TMTC3: variants seen among roughly 807,000 people sequenced by gnomAD.
TMTC3 encodes transmembrane O-mannosyltransferase targeting cadherins 3, also known as protein O-mannosyl-transferase TMTC3.
In TMTC3, 52 loss-of-function variants were observed where a neutral mutation model predicts 92.2. That is an observed-to-expected ratio of 0.56 (90% CI 0.45 to 0.71). TMTC3 has a LOEUF of 0.71. Ranked by LOEUF, TMTC3 falls within the 30% of genes least tolerant of loss-of-function variation. The pLI, the probability that TMTC3 is intolerant of heterozygous loss-of-function variation, is 0.00. For synonymous variants in TMTC3, 339 were observed against 363.3 expected, an observed-to-expected ratio of 0.93 and a Z score of 0.76; for missense variants, 896 against 1,057.1, an observed-to-expected ratio of 0.85 and a Z score of 2.11.
At chr12:88,147,194 A>G (rs1206038767) in intron 1 of TMTC3, among the ~76,000 whole-genome samples, 4 of 152,038 alleles carry the variant, frequency 2.6e-5, no homozygotes, top group Non-Finnish European at 4.4e-5. Flanking sequence ...TAAAAATTAG[A>G]TACATAAGTT....
chr12:88,183,439 CA>C (rs778768814), intron 10 of TMTC3, among the ~76,000 whole-genome samples: 6 of 152,288 alleles, frequency 3.9e-5, no homozygotes, highest in South Asian at 4.1e-4. Flanking sequence ...CTACCTAAGA[CA>C]GGGTCCCATA....
At chr12:88,165,840 A>G (rs1389064889) in intron 6 of TMTC3, among the ~76,000 whole-genome samples, 1 of 152,116 alleles carries the variant, frequency 6.6e-6, no homozygotes, top group Non-Finnish European at 1.5e-5. Flanking sequence ...TTCTCTCTCC[A>G]TGACAGAAGA....
rs555307694 is a variant in TMTC3, at chr12:88,198,202, A to G, written c.*2553A>G. The G allele has an allele frequency of 3.7e-6, 1 of 271,888 alleles. No homozygotes were observed. The highest frequency in any genetic ancestry group is 5.5e-5 in the Admixed American group (1 of 18,332). 16.8% of individuals were successfully genotyped at this position (271,888 alleles called of 1,614,324 possible). On this transcript the variant is annotated 3_prime_UTR_variant, in exon 14 of 14. Coordinates refer to ENST00000266712, the MANE Select transcript of TMTC3 (RefSeq NM_181783.4). ...CTGTTCAGGTGAGAAAACATAATGGATTTTTTTTTTTTTCCTCTGGAGCTG... is the reference window on the plus strand; with the variant it reads ...CTGTTCAGGTGAGAAAACATAATGGGTTTTTTTTTTTTTCCTCTGGAGCTG...
chr12:88,157,773 C>T (rs1257441898), intron 4 of TMTC3, among the ~76,000 whole-genome samples: 1 of 152,114 alleles, frequency 6.6e-6, no homozygotes, highest in Non-Finnish European at 1.5e-5. Context: ...ACCAGGTGTA[C>T]TTGTTTTGGA....
chr12:88,163,376 A>G (rs184128382), intron 6 of TMTC3, among the ~76,000 whole-genome samples: 1 of 152,222 alleles, frequency 6.6e-6, no homozygotes, highest in Non-Finnish European at 1.5e-5. Flanking sequence ...CTGGCTCGGT[A>G]TATTTGGGAA....
At chr12:88,166,728 T>C (rs577436716) in intron 7 of TMTC3, 146 bp downstream of exon 7, 1 of 920,038 alleles carries the variant, frequency 1.1e-6, no homozygotes, top group African/African-American at 1.7e-5. Context: ...TTTGAGTTTA[T>C]CCCAAAATTC....
At chr12:88,145,040 A>G (rs944998780) in intron 1 of TMTC3, among the ~76,000 whole-genome samples, 1 of 152,122 alleles carries the variant, frequency 6.6e-6, no homozygotes, top group African/African-American at 2.4e-5. Context: ...AAATCACTTC[A>G]CAAGAAGGCC....
At chr12:88,160,529 C>T (rs1260688815) in intron 5 of TMTC3, 150 bp from the exon 6 acceptor site, 35 of 750,104 alleles carry the variant, frequency 4.7e-5, no homozygotes, top group Non-Finnish European at 7.0e-5. Context: ...CTGTTGAGCT[C>T]AGTTTTATTC....
intron 12 of TMTC3, among the ~76,000 whole-genome samples, chr12:88,192,040 T>TTTTTTA (rs2041450420): frequency 6.6e-6 from 1 of 150,716 alleles, no homozygotes; most frequent in African/African-American, 2.4e-5. Context: ...TTTTTTTTTT[T>TTTTTTA]AAGAATGGTC....
At chr12:88,171,375 C>T (rs1442016960) in intron 7 of TMTC3, among the ~76,000 whole-genome samples, 1 of 152,110 alleles carries the variant, frequency 6.6e-6, no homozygotes, top group East Asian at 1.9e-4. Flanking sequence ...CCTTCTCCCT[C>T]CAACCCTGGT....
intron 7 of TMTC3, among the ~76,000 whole-genome samples, chr12:88,167,678 T>C (rs541889455): frequency 6.6e-6 from 1 of 152,304 alleles, no homozygotes; most frequent in East Asian, 1.9e-4. Context: ...CTAGAGAAAT[T>C]TGGATGTCTG....
rs1484114145 is a variant in TMTC3, at chr12:88,174,643, G to A, written c.1236G>A (p.Met412Ile). The A allele has an allele frequency of 6.2e-7, 1 of 1,611,944 alleles. No individual in the cohort carries two copies. The highest frequency in any genetic ancestry group is 1.3e-5 in the African/African-American group (1 of 74,750). Residue 412 changes from methionine to isoleucine, a missense_variant, in exon 9 of 14, where the codon ATG becomes ATA. Physicochemically the swap from Met to Ile is conservative, Grantham distance 10. Transcript: ENST00000266712. The stretch of plus-strand genomic sequence containing the variant: ...AGCTATCCTGGATTTGTCTGTCTAT[G>A]GTGATACTCACTCATTCCTTAAAAA... ...FKKLSWICLS[M>I]VILTHSLKTF...
At position 88,192,614 on chromosome 12, in the gene TMTC3, C is replaced by T; in HGVS notation, c.1717C>T (p.Leu573Phe). The T allele has an allele frequency of 6.2e-7, 1 of 1,602,418 alleles. No individual in the cohort carries two copies. The highest frequency in any genetic ancestry group is 8.5e-7 in the Non-Finnish European group (1 of 1,170,988). The part of the protein sequence containing the change: ...KQAYISRGEL[L>F]LKMNKPLKAK... ...TTGATTTTTCCACAGAGGAGAATTGCTTTTAAAAATGAATAAACCTCTTAA... is the reference window on the plus strand; with the variant it reads ...TTGATTTTTCCACAGAGGAGAATTGTTTTTAAAAATGAATAAACCTCTTAA... The change falls in exon 13 of 14, where the codon CTT (leucine) becomes TTT (phenylalanine). Residue 573 changes from leucine (L) to phenylalanine (F), a missense_variant. Physicochemically the swap from Leu to Phe is conservative, Grantham distance 22. Coordinates refer to ENST00000266712, the MANE Select transcript of TMTC3 (RefSeq NM_181783.4).
At chr12:88,150,219 A>T (rs1420204756) in intron 2 of TMTC3, among the ~76,000 whole-genome samples, 1 of 152,154 alleles carries the variant, frequency 6.6e-6, no homozygotes, top group Non-Finnish European at 1.5e-5. Flanking sequence ...CAGGCACTTC[A>T]CATAGCAAAA....
At chr12:88,173,053 A>G (rs1486536351) in intron 8 of TMTC3, 2 of 1,313,928 alleles carry the variant, frequency 1.5e-6, no homozygotes, top group Admixed American at 2.3e-5. Context: ...TGCCACTTCC[A>G]TATTCAGTGA....
intron 1 of TMTC3, 78 bp from the exon 2 acceptor site, chr12:88,148,210 T>C (rs1017098283): frequency 1.7e-4 from 140 of 848,318 alleles, no homozygotes; most frequent in Non-Finnish European, 2.2e-4. Flanking sequence ...TAATATGCAA[T>C]TACTTACCCA....
chr12:88,167,271 G>A lies in TMTC3; in HGVS notation c.1050+689G>A, dbSNP rs61941045. On this transcript the variant is annotated intron_variant, in intron 7 of 13. Transcript: ENST00000266712. The stretch of plus-strand genomic sequence containing the variant: ...ATTAGCTGGGTAGCTGGGTGTGGTA[G>A]TGGGTGCCTGTAATCCCAGCCACTC... Among the ~76,000 whole-genome samples the A allele has an allele frequency of 6.3e-3, 960 of 152,094 alleles. 3 individuals are homozygous for A. The highest frequency in any genetic ancestry group is 0.03 in the South Asian group (143 of 4,810).
chr12:88,145,737 G>C (rs187649803), intron 1 of TMTC3, among the ~76,000 whole-genome samples: 8 of 152,306 alleles, frequency 5.3e-5, no homozygotes, highest in African/African-American at 9.6e-5. Flanking sequence ...AGCACTTTAC[G>C]TGAGATAAGA....
intron 4 of TMTC3, among the ~76,000 whole-genome samples, chr12:88,157,482 T>C (rs950760336): frequency 2.0e-5 from 3 of 152,080 alleles, no homozygotes; most frequent in Non-Finnish European, 4.4e-5. Flanking sequence ...TGCTTAAATA[T>C]CCACTTAAAT....
Sources: allele counts gnomAD v4.1 joint callset (sites outside exome capture counted in the v4.1 genomes callset), GRCh38; gene constraint gnomAD v4.1.1; transcripts MANE v1.5; gene names NCBI Gene and HGNC (gene_info 2026-07-23, HGNC 2026-07-21).